COA8: variants seen among roughly 807,000 people sequenced by gnomAD.
COA8 encodes the protein cytochrome c oxidase assembly factor 8, also known as UPF0671 protein C14orf153.
COA8 carries 20 observed loss-of-function variants against 22.0 expected under a neutral mutation model. That is an observed-to-expected ratio of 0.91 (90% CI 0.64 to 1.32). The LOEUF (loss-of-function observed/expected upper bound fraction) is 1.32, where lower values mean the gene tolerates loss of function less well. Among genes scored for constraint, COA8 ranks in the 40% most tolerant of loss-of-function variants. COA8 has a pLI of 0.00. For synonymous variants in COA8, 105 were observed against 79.9 expected (o/e 1.31, Z -1.68); for missense variants, 266 against 230.0 (o/e 1.16, Z -1.01).
In COA8 at chr14:103,590,406, C is replaced by T. The variant is rs185816084; in HGVS notation, c.*120C>T. The stretch of plus-strand genomic sequence containing the variant: ...AGAAGCCCCACATCTTCCTAAGGGG[C>T]CCCATGGCCTGTTTGGGGGCAGGGT... On this transcript the variant is annotated 3_prime_UTR_variant, in exon 5 of 5. Transcript: ENST00000409074. The T allele has an allele frequency of 2.2e-5, 21 of 965,746 alleles. No individual in the cohort carries two copies. The East Asian group carries it at 2.6e-4, about 12-fold the overall frequency. The allele number at this position is 965,746 out of a possible 1,614,324, so 59.8% of individuals were successfully genotyped here.
At chr14:103,568,232 G>A (rs57447494) in intron 1 of COA8, among the ~76,000 whole-genome samples, 46,074 of 152,002 alleles carry the variant, frequency 0.3, 7,263 homozygotes, top group Middle Eastern at 0.38. Context: ...CAGGAGAAAC[G>A]TCTCAGTGTC....
intron 4 of COA8, among the ~76,000 whole-genome samples, chr14:103,589,708 C>A (rs2076335980): frequency 6.6e-6 from 1 of 151,638 alleles, no homozygotes; most frequent in Admixed American, 6.6e-5. Flanking sequence ...GAGATCGAAA[C>A]CATCCTGGCT....
chr14:103,582,182 G>T (rs1334665279), intron 3 of COA8, among the ~76,000 whole-genome samples: 2 of 152,150 alleles, frequency 1.3e-5, no homozygotes, highest in African/African-American at 4.8e-5. Context: ...CTCACTTCCT[G>T]TTCGGGGACT....
intron 4 of COA8, among the ~76,000 whole-genome samples, chr14:103,588,486 T>A (rs908385325): frequency 2.8e-4 from 42 of 150,760 alleles, no homozygotes; most frequent in Non-Finnish European, 2.5e-4. Flanking sequence ...AAAAAATATA[T>A]ATATATATAT....
intron 2 of COA8, among the ~76,000 whole-genome samples, chr14:103,573,017 G>A (rs1250949449): frequency 1.3e-5 from 2 of 151,724 alleles, no homozygotes; most frequent in Non-Finnish European, 2.9e-5. Flanking sequence ...TCCTGACCTC[G>A]TGATCCGCCC....
chr14:103,588,671 CTG>C lies in COA8; in HGVS notation c.476+1309_476+1310del, dbSNP rs1305732103. Among the ~76,000 whole-genome samples the C allele has an allele frequency of 2.0e-5, 3 of 151,884 alleles. No individual in the cohort carries two copies. The East Asian group carries it at 5.8e-4, about 29-fold the overall frequency. On this transcript the variant is annotated intron_variant, in intron 4 of 4. Coordinates refer to ENST00000409074, the MANE Select transcript of COA8 (RefSeq NM_001370595.2). ...CCAGCCTGGACAACATGACAAAACC[CTG>C]TCTCTACAAAAAATACAAAAATTAG...
At chr14:103,570,276 C>T (rs1271564484) in intron 1 of COA8, among the ~76,000 whole-genome samples, 1 of 152,122 alleles carries the variant, frequency 6.6e-6, no homozygotes, top group Admixed American at 6.6e-5. Flanking sequence ...AAAAAGGATT[C>T]CTAAATTGAT....
chr14:103,588,759 T>G (rs1265748472), intron 4 of COA8, among the ~76,000 whole-genome samples: 2 of 152,020 alleles, frequency 1.3e-5, no homozygotes, highest in Non-Finnish European at 2.9e-5. Flanking sequence ...GGAGGATCCC[T>G]TGAGCCCAGG....
intron 2 of COA8, among the ~76,000 whole-genome samples, chr14:103,572,105 T>C (rs1010419123): frequency 2.5e-4 from 38 of 150,072 alleles, no homozygotes; most frequent in South Asian, 4.2e-4. Flanking sequence ...CCAGCCTGGG[T>C]GACAGAGCCA....
At chr14:103,574,270 G>A (rs1030821072) in intron 3 of COA8, 100 bp downstream of exon 3, 1 of 1,521,894 alleles carries the variant, frequency 6.6e-7, no homozygotes, top group Non-Finnish European at 9.1e-7. Context: ...GGAAGTTCAG[G>A]GCGGTCCTTG....
At chr14:103,582,803 G>A (rs1276392466) in intron 3 of COA8, among the ~76,000 whole-genome samples, 1 of 121,308 alleles carries the variant, frequency 8.2e-6, no homozygotes, top group Non-Finnish European at 1.6e-5. Context: ...CTTTTAAACT[G>A]TATAATTCCA....
chr14:103,589,119 T>C (rs1343485196), intron 4 of COA8, among the ~76,000 whole-genome samples: 1 of 152,184 alleles, frequency 6.6e-6, no homozygotes, highest in African/African-American at 2.4e-5. Flanking sequence ...TAGAGGAGCC[T>C]GGCCCCCACC....
intron 3 of COA8, among the ~76,000 whole-genome samples, chr14:103,585,124 C>T (rs897005027): frequency 2.7e-5 from 4 of 149,156 alleles, no homozygotes; most frequent in African/African-American, 7.4e-5. Flanking sequence ...GGTGACAGAG[C>T]AAGACTCTGT....
chr14:103,588,031 G>A (rs750241741), intron 4 of COA8: 9 of 229,162 alleles, frequency 3.9e-5, no homozygotes, highest in African/African-American at 7.2e-5. Flanking sequence ...CAGGAGAATC[G>A]CTTGAACGTG....
At chr14:103,590,036 T>C in intron 4 of COA8, 145 bp from the exon 5 acceptor site, 1 of 693,840 alleles carries the variant, frequency 1.4e-6, no homozygotes, top group East Asian at 2.6e-5. Flanking sequence ...ATGAATAGTT[T>C]AGCTTTAACA....
At chr14:103,588,529 C>T (rs1255326796) in intron 4 of COA8, among the ~76,000 whole-genome samples, 1 of 151,534 alleles carries the variant, frequency 6.6e-6, no homozygotes, top group African/African-American at 2.4e-5. Flanking sequence ...GCCTGATGGG[C>T]AGGTGAAGCC....
intron 1 of COA8, 120 bp from the exon 2 acceptor site, chr14:103,571,503 A>G: frequency 1.0e-6 from 1 of 994,644 alleles, no homozygotes; most frequent in African/African-American, 1.6e-5. Flanking sequence ...ACGCCACTAC[A>G]CTCCAGTCTG....
intron 2 of COA8, 29 bp from the exon 3 acceptor site, chr14:103,574,078 C>CTTGTTTTTT: frequency 9.9e-7 from 1 of 1,012,756 alleles, no homozygotes; most frequent in Non-Finnish European, 1.3e-6. Flanking sequence ...TTCTGAGAGC[C>CTTGTTTTTT]TTTTTTTTTT....
At chr14:103,588,798 C>T (rs1056719408) in intron 4 of COA8, among the ~76,000 whole-genome samples, 5 of 151,916 alleles carry the variant, frequency 3.3e-5, no homozygotes, top group African/African-American at 4.8e-5. Flanking sequence ...GCCGAGATCC[C>T]GCTACTGCAC....
Sources: allele counts gnomAD v4.1 joint callset (sites outside exome capture counted in the v4.1 genomes callset), GRCh38; gene constraint gnomAD v4.1.1; transcripts MANE v1.5; gene names NCBI Gene and HGNC (gene_info 2026-07-23, HGNC 2026-07-21).